The following TMEM18 variants were observed in gnomAD, a reference collection of about 807,000 sequenced individuals.
TMEM18 encodes transmembrane protein 18.
A neutral mutation model predicts 17.4 loss-of-function variants in TMEM18; 14 were observed. The observed-to-expected ratio is 0.80, with a 90% CI of 0.53 to 1.25. TMEM18 has a LOEUF of 1.25. TMEM18 is among the 50% of genes most tolerant of loss of function. TMEM18 has a pLI of 0.00. For missense variants in TMEM18, 187 were observed against 172.1 expected, an observed-to-expected ratio of 1.09 and a Z score of -0.48; for synonymous variants, 86 against 66.1, an observed-to-expected ratio of 1.30 and a Z score of -1.46.
At position 668,328 on chromosome 2, in the gene TMEM18, C is replaced by A. The variant is rs1678747677; in HGVS notation, c.*1252G>T. 1 of 152,234 alleles carries A rather than the reference C, an allele frequency of 6.6e-6. No individual in the cohort carries two copies. The allele number at this position is 152,234 out of a possible 1,614,324, so 9.4% of individuals were successfully genotyped here. ...TAAAAATGCACAGTCTCTACAAACT[C>A]CCTGGTTTCTTTTCTGTCAGTGAAG... On this transcript the variant is annotated 3_prime_UTR_variant, in exon 5 of 5. Transcript: ENST00000281017.
Position 669,278 on chromosome 2 carries a change from T to C in TMEM18, c.*302A>G, listed in dbSNP as rs141205589. 1,580 of 365,040 alleles carry C rather than the reference T, an allele frequency of 4.3e-3. 18 individuals carry two copies. Among genetic ancestry groups the C allele is most frequent in the African/African-American group, 0.03 (1,459 of 48,850 alleles). 22.6% of individuals were successfully genotyped at this position (365,040 alleles called of 1,614,324 possible). ...TGTATTTTATATTTATAATTAGTAC[T>C]AGTTACACATATGACATGGACTTCT... On this transcript the variant is annotated 3_prime_UTR_variant, in exon 5 of 5. Transcript: ENST00000281017.
At chr2:675,768 G>A (rs1226131478) in intron 1 of TMEM18, 138 bp from the exon 2 acceptor site, 8 of 1,534,778 alleles carry the variant, frequency 5.2e-6, no homozygotes, top group South Asian at 1.2e-5. Context: ...CAAGTATCCA[G>A]AGAGCATTGC....
In TMEM18 at chr2:675,700, C is replaced by A. The variant is rs1183532153; in HGVS notation, c.58-70G>T. The A allele has an allele frequency of 3.8e-6, 6 of 1,584,700 alleles. No individual in the cohort carries two copies. In the Admixed American group the frequency reaches 7.1e-5, roughly 19 times the overall value. On this transcript the variant is annotated intron_variant, in intron 1 of 4. Transcript: ENST00000281017. ...GCCGGGTTCACGGCCCACCCACAGC[C>A]TTCTCCCAGCGCAGGAGGCAGGGGC... is the stretch of plus-strand genomic sequence containing the variant.
Position 667,793 on chromosome 2 carries a change from T to C in TMEM18, c.*1787A>G, listed in dbSNP as rs1678731597. 1 of 152,220 alleles carries C rather than the reference T, an allele frequency of 6.6e-6. No homozygotes were observed. The highest frequency in any genetic ancestry group is 2.4e-5 in the African/African-American group (1 of 41,446). 9.4% of individuals were successfully genotyped at this position (152,220 alleles called of 1,614,324 possible). On this transcript the variant is annotated 3_prime_UTR_variant, in exon 5 of 5. Coordinates refer to ENST00000281017, the MANE Select transcript of TMEM18 (RefSeq NM_152834.4). ...AATGAAAATCAAAGACCACACGTCA[T>C]GGTTTCACACTGACATGTCATCAGC...
rs752903970 is a variant in TMEM18, at chr2:670,231, C to T, written c.234-381G>A. On this transcript the variant is annotated intron_variant, in intron 3 of 4. Coordinates refer to ENST00000281017, the MANE Select transcript of TMEM18 (RefSeq NM_152834.4). ...CCTACAGAGTAACAACGTCAATAAT[C>T]CCCTCCCCGTAAATGACAAAGGGAC... 4 of 183,348 alleles carry T rather than the reference C, an allele frequency of 2.2e-5. No homozygotes were observed. The Admixed American group carries it at 2.4e-4, about 11-fold the overall frequency. The allele number at this position is 183,348 out of a possible 1,614,324, so 11.4% of individuals were successfully genotyped here.
chr2:665,202 C>A lies in TMEM18; in HGVS notation c.*4378G>T, dbSNP rs1434581643. ...CATCACTCCCACATACAACAGAACC[C>A]AGAGATGCAGATGCCCCACTCACTC... is the stretch of plus-strand genomic sequence containing the variant. On this transcript the variant is annotated 3_prime_UTR_variant, in exon 5 of 5. Coordinates refer to ENST00000281017, the MANE Select transcript of TMEM18 (RefSeq NM_152834.4). Among the ~76,000 whole-genome samples, 1 of 152,122 alleles carries A rather than the reference C, an allele frequency of 6.6e-6. No homozygotes were observed. The highest frequency in any genetic ancestry group is 1.5e-5 in the Non-Finnish European group (1 of 68,028).
Position 669,381 on chromosome 2 carries a change from C to G in TMEM18, c.*199G>C. The G allele has an allele frequency of 1.6e-6, 1 of 618,574 alleles. No individual in the cohort carries two copies. The allele number at this position is 618,574 out of a possible 1,614,324, so 38.3% of individuals were successfully genotyped here. On this transcript the variant is annotated 3_prime_UTR_variant, in exon 5 of 5. Transcript: ENST00000281017. ...ACTACAAAGATCAGGCACCTGAAGA[C>G]GCATGTCCTGATGGATACATTCAGT...
chr2:676,531 G>A (rs946714508), intron 1 of TMEM18: 20 of 1,545,996 alleles, frequency 1.3e-5, no homozygotes, highest in Admixed American at 3.9e-5. Context: ...GCCGCGCCAT[G>A]ACATAAGGAC....
intron 1 of TMEM18, 98 bp from the exon 2 acceptor site, chr2:675,728 C>G (rs1465906992): frequency 1.3e-6 from 2 of 1,549,526 alleles, no homozygotes; most frequent in Non-Finnish European, 1.7e-6. Flanking sequence ...GCAGGGGCCT[C>G]TCACTCCTGA....
intron 3 of TMEM18, among the ~76,000 whole-genome samples, chr2:671,359 TGGG>T (rs1678845405): frequency 5.3e-5 from 8 of 152,042 alleles, no homozygotes; most frequent in Admixed American, 5.2e-4. Context: ...ACACCCCTCC[TGGG>T]ACTGAACCAT....
rs1572409111 is a variant in TMEM18, at chr2:669,454, T to G, written c.*126A>C. On this transcript the variant is annotated 3_prime_UTR_variant, in exon 5 of 5. Transcript: ENST00000281017. ...GTGTGTGCCCTACCACTGTGGATAT[T>G]TAAATAAAACAACGGTTTTTCAAAC... 10 of 987,134 alleles carry G rather than the reference T, an allele frequency of 1.0e-5. No individual in the cohort carries two copies. The East Asian group carries it at 2.4e-4, about 24-fold the overall frequency. The allele number at this position is 987,134 out of a possible 1,614,324, so 61.1% of individuals were successfully genotyped here.
Position 677,313 on chromosome 2 carries a change from G to A in TMEM18, c.33C>T (p.Pro11=), listed in dbSNP as rs138915275. MPSAFSVSSF[P]VSIPAVLTQT... is the part of the protein sequence containing the mutation. ...CCGTGAGCACGGCTGGGATGCTGAC[G>A]GGGAAAGAGCTGACAGAGAAGGCGG... Residue 11 remains proline, a synonymous_variant, in exon 1 of 5, where the codon CCC becomes CCT. Transcript: ENST00000281017. 1.4e-5 allele frequency: 22 copies of A among 1,612,424 alleles called. No individual in the cohort carries two copies. The highest frequency in any genetic ancestry group is 1.9e-5 in the Non-Finnish European group (22 of 1,179,804).
In TMEM18 at chr2:665,159, C is replaced by T. The variant is rs531264558; in HGVS notation, c.*4421G>A. On this transcript the variant is annotated 3_prime_UTR_variant, in exon 5 of 5. Coordinates refer to ENST00000281017, the MANE Select transcript of TMEM18 (RefSeq NM_152834.4). Reference sequence around the variant, plus strand: ...GGATCCATAAACCCAGAGATGCAGACGCCCAGCTCAGATGGAGCATCACTC... The same window carrying T: ...GGATCCATAAACCCAGAGATGCAGATGCCCAGCTCAGATGGAGCATCACTC... Among the ~76,000 whole-genome samples, 10 of 152,050 alleles carry T rather than the reference C, an allele frequency of 6.6e-5. No homozygotes were observed. The East Asian group carries it at 1.2e-3, about 18-fold the overall frequency.
chr2:675,993 G>C, intron 1 of TMEM18: 1 of 1,308,474 alleles, frequency 7.6e-7, no homozygotes, highest in Middle Eastern at 2.1e-4. Context: ...GATGATAATT[G>C]GTTATGATAA....
rs1425999463 is a variant in TMEM18 at position 664,315 on chromosome 2, T to C, written c.*5265A>G. On this transcript the variant is annotated 3_prime_UTR_variant, in exon 5 of 5. Transcript: ENST00000281017. Reference sequence around the variant, plus strand: ...GCTCTTCACAGTTCCTGATGATACATAAAGCAAAAAACTGTTTGACTTTCT... The same window carrying C: ...GCTCTTCACAGTTCCTGATGATACACAAAGCAAAAAACTGTTTGACTTTCT... Among the ~76,000 whole-genome samples the C allele has an allele frequency of 6.6e-6, 1 of 152,180 alleles. No individual in the cohort carries two copies. Among genetic ancestry groups the C allele is most frequent in the African/African-American group, 2.4e-5 (1 of 41,460 alleles).
In TMEM18 at chr2:676,371, T is replaced by A. The variant is rs993226123; in HGVS notation, c.58-741A>T. ...CCCATCCCCTCCTTGAGCGCCCTCC[T>A]GCAGAAGACAAGCCCTGCCCTCCAA... On this transcript the variant is annotated intron_variant, in intron 1 of 4. Transcript: ENST00000281017. The A allele has an allele frequency of 1.0e-5, 14 of 1,400,746 alleles. No individual in the cohort carries two copies. In the Admixed American group the frequency reaches 2.6e-4, roughly 26 times the overall value. 86.8% of individuals were successfully genotyped at this position (1,400,746 alleles called of 1,614,324 possible). A position where few individuals can be genotyped will look rare whatever the true frequency, so the allele number is the denominator to read the frequency against.
chr2:664,979 G>T lies in TMEM18; in HGVS notation c.*4601C>A, dbSNP rs1350861870. On this transcript the variant is annotated 3_prime_UTR_variant, in exon 5 of 5. Coordinates refer to ENST00000281017, the MANE Select transcript of TMEM18 (RefSeq NM_152834.4). ...ATAGGGACTACATTACTTTATAGAA[G>T]ATAGACTTACAGAAAAAAGGGGCAG... is the stretch of plus-strand genomic sequence containing the variant. 6.6e-6 allele frequency among the ~76,000 whole-genome samples: 1 copy of T among 152,186 alleles called. No individual in the cohort carries two copies. The highest frequency in any genetic ancestry group is 1.5e-5 in the Non-Finnish European group (1 of 68,030).
At position 663,918 on chromosome 2, in the gene TMEM18, A is replaced by G. The variant is rs960846968; in HGVS notation, c.*5662T>C. Among the ~76,000 whole-genome samples the G allele has an allele frequency of 3.3e-5, 5 of 152,216 alleles. No individual in the cohort carries two copies. The highest frequency in any genetic ancestry group is 1.2e-4 in the African/African-American group (5 of 41,442). Reference sequence around the variant, plus strand: ...GCCAACATGAGTAACTTTATTTATAAAGGTGTCACAGTTCTTGGCAAGTAA... The same window carrying G: ...GCCAACATGAGTAACTTTATTTATAGAGGTGTCACAGTTCTTGGCAAGTAA... On this transcript the variant is annotated 3_prime_UTR_variant, in exon 5 of 5. Transcript: ENST00000281017.
At position 669,069 on chromosome 2, in the gene TMEM18, A is replaced by G; in HGVS notation, c.*511T>C. On this transcript the variant is annotated 3_prime_UTR_variant, in exon 5 of 5. Coordinates refer to ENST00000281017, the MANE Select transcript of TMEM18 (RefSeq NM_152834.4). ...GCATCACCCCGGGCTCCACAGGAGA[A>G]GCCAGGAGCACCACCCCCTCCAGTG... 1 of 154,116 alleles carries G rather than the reference A, an allele frequency of 6.5e-6. No individual in the cohort carries two copies. The highest frequency in any genetic ancestry group is 2.0e-4 in the South Asian group (1 of 4,906). The allele number at this position is 154,116 out of a possible 1,614,324, so 9.5% of individuals were successfully genotyped here. A position where few individuals can be genotyped will look rare whatever the true frequency, so the allele number is the denominator to read the frequency against.
Sources: gnomAD v4.1 joint callset for allele counts (sites outside exome capture counted in the v4.1 genomes callset) on GRCh38, gnomAD v4.1.1 for gene constraint, MANE v1.5 for transcripts, NCBI Gene and HGNC (gene_info 2026-07-23, HGNC 2026-07-21) for gene names.